FDPS: variants seen among roughly 807,000 people sequenced by gnomAD.
FDPS encodes the protein farnesyl diphosphate synthase, also known as farnesyl pyrophosphate synthase.
A neutral mutation model predicts 49.5 loss-of-function variants in FDPS; 29 were observed. The observed-to-expected ratio is 0.59, with a 90% CI of 0.44 to 0.80. FDPS has a LOEUF of 0.80. Ranked by LOEUF, FDPS falls within the 30% of genes least tolerant of loss-of-function variation. The pLI is 0.00. For synonymous variants in FDPS, 172 were observed against 206.4 expected (o/e 0.83, Z 1.43); for missense variants, 414 against 525.6 (o/e 0.79, Z 2.08).
intron 1 of FDPS, 133 bp from the exon 2 acceptor site, chr1:155,309,656 A>C: frequency 9.2e-6 from 7 of 761,584 alleles, no homozygotes; most frequent in African/African-American, 3.5e-5. Context: ...CCCCAAGCAC[A>C]TTCCACAAGA....
At chr1:155,317,205 G>A (rs1285840428) in intron 4 of FDPS, 2 of 152,242 alleles carry the variant, frequency 1.3e-5, no homozygotes, top group African/African-American at 4.8e-5. Context: ...ACACAGTGCT[G>A]GGGGCAATGT....
intron 3 of FDPS, among the ~76,000 whole-genome samples, chr1:155,311,953 CAGAG>C (rs879848217): frequency 6.1e-4 from 92 of 151,990 alleles, no homozygotes; most frequent in Non-Finnish European, 9.6e-4. Context: ...GCCTGGGTAA[CAGAG>C]AGAGAATTCA....
intron 4 of FDPS, among the ~76,000 whole-genome samples, chr1:155,314,842 C>A (rs1297565814): frequency 1.3e-5 from 2 of 150,580 alleles, no homozygotes; most frequent in Non-Finnish European, 2.9e-5. Flanking sequence ...AGAATCAGTG[C>A]TAGGAGGCAG....
chr1:155,310,055 C>T lies in FDPS; in HGVS notation c.189C>T (p.Ser63=), dbSNP rs143038155. 2,989 of 1,613,606 alleles carry T rather than the reference C, an allele frequency of 1.9e-3. 10 individuals are homozygous for T. Among genetic ancestry groups the T allele is most frequent in the Non-Finnish European group, 1.4e-3 (1,664 of 1,180,020 alleles). Residue 63 remains serine, a synonymous_variant, in exon 3 of 11, where the codon TCC becomes TCT. Coordinates refer to ENST00000368356, the MANE Select transcript of FDPS (RefSeq NM_002004.4). ...TTCTTCTACTTAGAGCCCTTTGCTC[C>T]TCCCTCAGAATGAACGGAGACCAGA... ...AWTEEPRALC[S]SLRMNGDQNS...
chr1:155,319,496 C>T, intron 8 of FDPS, 115 bp from the exon 9 acceptor site: 1 of 1,065,802 alleles, frequency 9.4e-7, no homozygotes, highest in Non-Finnish European at 1.4e-6. Flanking sequence ...GCCAAGATGT[C>T]TGAAGAGAGA....
chr1:155,319,934 TGA>T lies in FDPS; in HGVS notation c.1059+12_1059+13del. ...AACAGTACCAGATCCTGAAGGTGCC[TGA>T]GAGAGGGTGGTGGGTCCCTGAGTTG... On this transcript the variant is annotated splice_region_variant and intron_variant, in intron 10 of 10. Coordinates refer to ENST00000368356, the MANE Select transcript of FDPS (RefSeq NM_002004.4). 3 of 1,613,532 alleles carry T rather than the reference TGA, an allele frequency of 1.9e-6. No individual in the cohort carries two copies. The highest frequency in any genetic ancestry group is 2.5e-6 in the Non-Finnish European group (3 of 1,179,516).
At chr1:155,314,010 G>C (rs1175623944) in intron 4 of FDPS, among the ~76,000 whole-genome samples, 2 of 151,924 alleles carry the variant, frequency 1.3e-5, no homozygotes, top group East Asian at 3.9e-4. Context: ...GTAGAGACGG[G>C]GTTTCACCAT....
intron 4 of FDPS, among the ~76,000 whole-genome samples, chr1:155,315,624 A>T (rs927002708): frequency 2.2e-4 from 33 of 152,160 alleles, no homozygotes; most frequent in Admixed American, 1.4e-3. Context: ...CGGAGCTTGC[A>T]GTGAGCTGAG....
In FDPS at chr1:155,319,715, G is replaced by A. The variant is rs745867995; in HGVS notation, c.924+27G>A. ...TAAGAAGGCAGGAGGCAGTAGCAGA[G>A]AACAGGCACCAGCTTCACTCCTCCT... On this transcript the variant is annotated intron_variant, in intron 9 of 10. Coordinates refer to ENST00000368356, the MANE Select transcript of FDPS (RefSeq NM_002004.4). The A allele has an allele frequency of 3.1e-6, 5 of 1,614,062 alleles. No individual in the cohort carries two copies. The East Asian group carries it at 8.9e-5, about 29-fold the overall frequency.
At position 155,309,711 on chromosome 1, in the gene FDPS, G is replaced by T. The variant is rs922058920; in HGVS notation, c.-1-78G>T. On this transcript the variant is annotated intron_variant, in intron 1 of 10. Transcript: ENST00000368356. ...AAGGCTGGGGTGGGAGTTATCTGGG[G>T]AGCTGCCACCATGCCTCTGCCTTTG... 14 of 1,297,716 alleles carry T rather than the reference G, an allele frequency of 1.1e-5. No homozygotes were observed. The South Asian group carries it at 2.4e-4, about 22-fold the overall frequency. The allele number at this position is 1,297,716 out of a possible 1,614,324, so 80.4% of individuals were successfully genotyped here.
At chr1:155,309,536 G>A in intron 1 of FDPS, 3 of 392,868 alleles carry the variant, frequency 7.6e-6, no homozygotes, top group Non-Finnish European at 1.4e-5. Context: ...CCTTGTGCAC[G>A]CCATCTTGAA....
intron 4 of FDPS, among the ~76,000 whole-genome samples, chr1:155,314,282 C>T (rs903887606): frequency 6.6e-5 from 10 of 151,306 alleles, no homozygotes; most frequent in Admixed American, 5.3e-4. Flanking sequence ...GCCTCTGGAG[C>T]GGAAGCCACC....
At chr1:155,309,621 C>T in intron 1 of FDPS, 168 bp from the exon 2 acceptor site, 1 of 561,454 alleles carries the variant, frequency 1.8e-6, no homozygotes, top group Non-Finnish European at 3.0e-6. Flanking sequence ...CTTTTTTGTT[C>T]CCTGCGTATC....
At chr1:155,311,215 T>G (rs1648767269) in intron 3 of FDPS, among the ~76,000 whole-genome samples, 1 of 152,136 alleles carries the variant, frequency 6.6e-6, no homozygotes, top group South Asian at 2.1e-4. Context: ...GGCGCCCACA[T>G]GTAGTCCCAG....
At chr1:155,309,433 G>T (rs1052273209) in intron 1 of FDPS, 1 of 184,212 alleles carries the variant, frequency 5.4e-6, no homozygotes, top group African/African-American at 2.3e-5. Context: ...ACCTCCTAGA[G>T]CCTCAGTTTG....
chr1:155,320,294 G>C (rs933266845), intron 10 of FDPS, 115 bp from the exon 11 acceptor site: 23 of 856,488 alleles, frequency 2.7e-5, no homozygotes, highest in Admixed American at 4.5e-5. Context: ...TTGGAGGGAG[G>C]AAAGGAGTGG....
chr1:155,318,632 G>T lies in FDPS; in HGVS notation c.685-33G>T. On this transcript the variant is annotated intron_variant, in intron 6 of 10. Transcript: ENST00000368356. This position sits in a 1 kb window ranked among gnomAD's most constrained non-coding sequence, Gnocchi z 4.2. Reference sequence around the variant, plus strand: ...CCAGGGTTTCGCATATCTGGAGAAAGCCTGGCTCATGGACCGTCTTTGTCT... The same window carrying T: ...CCAGGGTTTCGCATATCTGGAGAAATCCTGGCTCATGGACCGTCTTTGTCT... 8.6e-6 allele frequency: 13 copies of T among 1,516,978 alleles called. No homozygotes were observed. Among genetic ancestry groups the T allele is most frequent in the Non-Finnish European group, 1.2e-5 (13 of 1,091,692 alleles). The allele number at this position is 1,516,978 out of a possible 1,614,324, so 94.0% of individuals were successfully genotyped here.
intron 2 of FDPS, 21 bp downstream of exon 2, chr1:155,309,986 G>A: frequency 6.2e-7 from 1 of 1,610,316 alleles, no homozygotes; most frequent in East Asian, 2.2e-5. Flanking sequence ...TTGGGGTGAG[G>A]GGCCTTGGGG....
At chr1:155,310,251 T>C (rs1572076359) in intron 3 of FDPS, 46 bp downstream of exon 3, 1 of 1,586,848 alleles carries the variant, frequency 6.3e-7, no homozygotes, top group East Asian at 2.2e-5. Context: ...GTTCAGTTGC[T>C]CTGTACCTGT....
Sources: gnomAD v4.1 joint callset for allele counts (sites outside exome capture counted in the v4.1 genomes callset) on GRCh38, gnomAD v4.1.1 for gene constraint, Gnocchi (gnomAD v3.1) non-coding constraint, MANE v1.5 for transcripts, NCBI Gene and HGNC (gene_info 2026-07-23, HGNC 2026-07-21) for gene names.